Variants in EXOC6B observed in about 807,000 individuals in gnomAD.
EXOC6B encodes exocyst complex component 6B.
Under a neutral mutation model 113.5 loss-of-function variants are expected in EXOC6B, and 54 were observed. That is an observed-to-expected ratio of 0.48 (90% confidence interval 0.38 to 0.60). The LOEUF (loss-of-function observed/expected upper bound fraction) is 0.60. EXOC6B is among the 20% of genes least tolerant of loss of function. The pLI, the probability that EXOC6B is intolerant of heterozygous loss-of-function variation, is 0.00. For synonymous variants in EXOC6B, 357 were observed against 339.0 expected, an observed-to-expected ratio of 1.05 and a Z score of -0.58; for missense variants, 797 against 977.5, an observed-to-expected ratio of 0.82 and a Z score of 2.46.
intron 6 of EXOC6B, among the ~76,000 whole-genome samples, chr2:72,664,633 C>G (rs1675261960): frequency 6.6e-6 from 1 of 152,346 alleles, no homozygotes; most frequent in Non-Finnish European, 1.5e-5. Context: ...GATCCATCTT[C>G]TTGTGAGTAG....
chr2:72,224,994 G>GTGTGTATATATATATATATA (rs908047817), intron 20 of EXOC6B, among the ~76,000 whole-genome samples: 11 of 137,248 alleles, frequency 8.0e-5, no homozygotes, highest in Non-Finnish European at 1.4e-4. Flanking sequence ...GTGTGTGTGT[G>GTGTGTATATATATATATATA]TATATATATA....
At chr2:72,226,005 G>T (rs147701373) in intron 20 of EXOC6B, among the ~76,000 whole-genome samples, 233 of 152,152 alleles carry the variant, frequency 1.5e-3, no homozygotes, top group African/African-American at 4.8e-3. Flanking sequence ...TGACTCTCTC[G>T]CCACACCCTA....
At chr2:72,378,984 A>G (rs1471878582) in intron 19 of EXOC6B, among the ~76,000 whole-genome samples, 1 of 152,186 alleles carries the variant, frequency 6.6e-6, no homozygotes, top group African/African-American at 2.4e-5. Flanking sequence ...ATCATATGGC[A>G]GTGTTTTATT....
At chr2:72,420,987 TTGA>T (rs766766698) in intron 18 of EXOC6B, among the ~76,000 whole-genome samples, 21 of 152,228 alleles carry the variant, frequency 1.4e-4, no homozygotes, top group Non-Finnish European at 2.6e-4. Flanking sequence ...CTAATGGCCA[TTGA>T]TGATGAGCTT....
At position 72,502,442 on chromosome 2, in the gene EXOC6B, T is replaced by C. The variant is rs148545229; in HGVS notation, c.1168-2470A>G. Among the ~76,000 whole-genome samples the C allele has an allele frequency of 4.2e-3, 637 of 152,140 alleles. 5 individuals carry two copies. The highest frequency in any genetic ancestry group is 0.014 in the African/African-American group (576 of 41,514). On this transcript the variant is annotated intron_variant, in intron 11 of 21. Coordinates refer to ENST00000272427, the MANE Select transcript of EXOC6B (RefSeq NM_015189.3). ...GCATGCCTATGGTCCCAGCTACTCA[T>C]GAGGCTGAGGCACGAGAATTGCTTG...
At chr2:72,676,126 T>C (rs575027275) in intron 6 of EXOC6B, among the ~76,000 whole-genome samples, 1 of 138,598 alleles carries the variant, frequency 7.2e-6, no homozygotes, top group Non-Finnish European at 1.6e-5. Context: ...CATTCTAGTT[T>C]AAAAAAAAAA....
intron 19 of EXOC6B, among the ~76,000 whole-genome samples, chr2:72,352,354 C>A (rs1689700555): frequency 6.6e-6 from 1 of 152,122 alleles, no homozygotes; most frequent in African/African-American, 2.4e-5. Context: ...TTTAAAAAGC[C>A]TATACATTGA....
At chr2:72,509,521 G>A (rs746969854) in intron 11 of EXOC6B, among the ~76,000 whole-genome samples, 3 of 152,190 alleles carry the variant, frequency 2.0e-5, no homozygotes, top group Non-Finnish European at 2.9e-5. Flanking sequence ...CATATGCTTT[G>A]TAATGAAGAA....
chr2:72,727,303 T>C (rs1427649011), intron 5 of EXOC6B, among the ~76,000 whole-genome samples: 3 of 152,152 alleles, frequency 2.0e-5, no homozygotes, highest in Non-Finnish European at 2.9e-5. Context: ...AAGATCTAAA[T>C]AGTCTCATTT....
At chr2:72,276,119 T>C (rs1684797496) in intron 20 of EXOC6B, among the ~76,000 whole-genome samples, 1 of 151,794 alleles carries the variant, frequency 6.6e-6, no homozygotes, top group African/African-American at 2.4e-5. Context: ...TTTTGAGGGG[T>C]TCAGTGTCAA....
intron 6 of EXOC6B, among the ~76,000 whole-genome samples, chr2:72,612,970 G>GT (rs1206734629): frequency 6.6e-6 from 1 of 152,076 alleles, no homozygotes; most frequent in Non-Finnish European, 1.5e-5. Flanking sequence ...AGCATTTGGG[G>GT]TTTTTTTAAG....
At chr2:72,511,414 T>C (rs1178066016) in intron 11 of EXOC6B, among the ~76,000 whole-genome samples, 1 of 152,138 alleles carries the variant, frequency 6.6e-6, no homozygotes, top group African/African-American at 2.4e-5. Context: ...ATCTAATCCA[T>C]CAGAAAGTAC....
chr2:72,441,037 G>A (rs1382117184), intron 18 of EXOC6B, among the ~76,000 whole-genome samples: 1 of 152,140 alleles, frequency 6.6e-6, no homozygotes, highest in East Asian at 1.9e-4. Flanking sequence ...ACTGGTCTAT[G>A]TACTTCAGTG....
intron 20 of EXOC6B, among the ~76,000 whole-genome samples, chr2:72,288,578 T>C (rs1057003778): frequency 6.6e-6 from 1 of 152,056 alleles, no homozygotes; most frequent in Non-Finnish European, 1.5e-5. Context: ...CAATGTAATG[T>C]TTAATGAAAG....
At chr2:72,601,531 G>C (rs1212106943) in intron 6 of EXOC6B, among the ~76,000 whole-genome samples, 1 of 152,092 alleles carries the variant, frequency 6.6e-6, no homozygotes, top group East Asian at 1.9e-4. Context: ...TGCTGATGAG[G>C]GTGTGGAGCA....
intron 6 of EXOC6B, among the ~76,000 whole-genome samples, chr2:72,614,612 A>G (rs2104118471): frequency 6.6e-6 from 1 of 152,316 alleles, no homozygotes; most frequent in East Asian, 1.9e-4. Flanking sequence ...AAGAGTAATT[A>G]ATTATATTTC....
At chr2:72,755,827 G>A (rs966575289) in intron 1 of EXOC6B, among the ~76,000 whole-genome samples, 1 of 152,132 alleles carries the variant, frequency 6.6e-6, no homozygotes, top group Admixed American at 6.6e-5. Context: ...CCAACAGAAG[G>A]GGGAGGGTGA....
chr2:72,190,070 G>T (rs1324119196), intron 20 of EXOC6B, among the ~76,000 whole-genome samples: 33 of 134,364 alleles, frequency 2.5e-4, no homozygotes, highest in Non-Finnish European at 3.5e-4. Context: ...TTGCTCTGTT[G>T]CCCAGGCTGG....
intron 1 of EXOC6B, among the ~76,000 whole-genome samples, chr2:72,809,320 G>A (rs1206747000): frequency 1.3e-5 from 2 of 152,088 alleles, no homozygotes; most frequent in African/African-American, 2.4e-5. Context: ...ACAAGTATAT[G>A]CTGTTGATAG....
Sources: gnomAD v4.1 joint callset for allele counts (sites outside exome capture counted in the v4.1 genomes callset) on GRCh38, gnomAD v4.1.1 for gene constraint, MANE v1.5 for transcripts, NCBI Gene and HGNC (gene_info 2026-07-23, HGNC 2026-07-21) for gene names.